ADARB2: variants seen among roughly 807,000 people sequenced by gnomAD.
ADARB2 encodes the protein adenosine deaminase RNA specific B2 (inactive), also known as inactive double-stranded RNA-specific editase B2.
A neutral mutation model predicts 62.2 loss-of-function variants in ADARB2; 25 were observed. The observed-to-expected ratio is 0.40, with a 90% CI of 0.29 to 0.56. The LOEUF (loss-of-function observed/expected upper bound fraction) is 0.56, where lower values mean the gene tolerates loss of function less well. Ranked by LOEUF, ADARB2 falls within the 20% of genes least tolerant of loss-of-function variation. The pLI, the probability that ADARB2 is intolerant of heterozygous loss-of-function variation, is 0.43. For missense variants in ADARB2, 1,071 were observed against 1,077.4 expected, an observed-to-expected ratio of 0.99 and a Z score of 0.08; for synonymous variants, 572 against 500.8, an observed-to-expected ratio of 1.14 and a Z score of -1.90.
At chr10:1,293,163 G>GA (rs1454230341) in intron 3 of ADARB2, among the ~76,000 whole-genome samples, 8 of 57,766 alleles carry the variant, frequency 1.4e-4, no homozygotes, top group Admixed American at 6.6e-4. Context: ...GGGAGGGTAA[G>GA]AAGGGGGGAG....
At chr10:1,261,792 G>T (rs1831139745) in intron 4 of ADARB2, among the ~76,000 whole-genome samples, 2 of 150,212 alleles carry the variant, frequency 1.3e-5, no homozygotes, top group Admixed American at 6.6e-5. Flanking sequence ...CCATTACTGG[G>T]TATATACCCA....
At chr10:1,296,556 G>A (rs906708070) in intron 3 of ADARB2, among the ~76,000 whole-genome samples, 10 of 152,178 alleles carry the variant, frequency 6.6e-5, no homozygotes, top group African/African-American at 2.4e-4. Context: ...CTGTGGTGCT[G>A]TGGAGTACAG....
intron 1 of ADARB2, among the ~76,000 whole-genome samples, chr10:1,455,645 A>G (rs1383657976): frequency 3.9e-5 from 6 of 152,180 alleles, no homozygotes; most frequent in African/African-American, 1.2e-4. Context: ...TGGGATTGTT[A>G]CTTTTTTAAA....
chr10:1,694,747 C>T (rs981526538), intron 1 of ADARB2, among the ~76,000 whole-genome samples: 1 of 152,088 alleles, frequency 6.6e-6, no homozygotes, highest in Non-Finnish European at 1.5e-5. Flanking sequence ...TTTTTTCAGT[C>T]CGGGTTTTGG....
chr10:1,441,231 A>G (rs1232648745), intron 1 of ADARB2, among the ~76,000 whole-genome samples: 2 of 152,360 alleles, frequency 1.3e-5, no homozygotes, highest in East Asian at 3.9e-4. Flanking sequence ...AAAAATAGAA[A>G]AAATATGTCT....
At chr10:1,302,666 T>C (rs888054336) in intron 3 of ADARB2, among the ~76,000 whole-genome samples, 2 of 152,222 alleles carry the variant, frequency 1.3e-5, no homozygotes, top group African/African-American at 4.8e-5. Context: ...TCTCCCAGTA[T>C]GCAGCTGGAG....
At chr10:1,346,199 C>T (rs985210932) in intron 3 of ADARB2, among the ~76,000 whole-genome samples, 4 of 152,144 alleles carry the variant, frequency 2.6e-5, no homozygotes, top group Non-Finnish European at 4.4e-5. Context: ...ATCGTGGTGC[C>T]GTTGTTACAA....
At chr10:1,284,412 G>A (rs954715501) in intron 3 of ADARB2, among the ~76,000 whole-genome samples, 6 of 152,164 alleles carry the variant, frequency 3.9e-5, no homozygotes, top group African/African-American at 1.4e-4. Flanking sequence ...TTATGAGGAT[G>A]CTCTCAGGGC....
chr10:1,576,436 G>A (rs1288063941), intron 1 of ADARB2, among the ~76,000 whole-genome samples: 1 of 152,170 alleles, frequency 6.6e-6, no homozygotes, highest in African/African-American at 2.4e-5. Flanking sequence ...AGGGGCCATT[G>A]CAGGAGGGCT....
At chr10:1,645,778 C>T (rs1834033061) in intron 1 of ADARB2, among the ~76,000 whole-genome samples, 1 of 152,166 alleles carries the variant, frequency 6.6e-6, no homozygotes, top group African/African-American at 2.4e-5. Flanking sequence ...TGCCTCTCCT[C>T]CTGGAGTTCA....
chr10:1,510,096 T>TCTTCTTTCTTTCTCTCTTTC, intron 1 of ADARB2, among the ~76,000 whole-genome samples: 2 of 124,828 alleles, frequency 1.6e-5, no homozygotes, highest in East Asian at 4.7e-4. Flanking sequence ...TCTCTCTCTC[T>TCTTCTTTCTTTCTCTCTTTC]TTTCTTTCTT....
chr10:1,634,155 C>G (rs963804460), intron 1 of ADARB2, among the ~76,000 whole-genome samples: 2 of 152,198 alleles, frequency 1.3e-5, no homozygotes, highest in African/African-American at 4.8e-5. Flanking sequence ...ACCGGGAGGA[C>G]CCTGGGGCCA....
At chr10:1,222,874 G>A (rs1830707265) in intron 6 of ADARB2, among the ~76,000 whole-genome samples, 1 of 151,066 alleles carries the variant, frequency 6.6e-6, no homozygotes, top group South Asian at 2.1e-4. Context: ...TGTTCTTTTG[G>A]CTTAGGATTG....
chr10:1,223,992 G>T (rs1589156811), intron 6 of ADARB2, among the ~76,000 whole-genome samples: 1 of 152,176 alleles, frequency 6.6e-6, no homozygotes, highest in African/African-American at 2.4e-5. Context: ...AGTTTCAGAA[G>T]GAATGGTACC....
intron 1 of ADARB2, among the ~76,000 whole-genome samples, chr10:1,409,884 G>A (rs28552714): frequency 0.18 from 17,621 of 95,542 alleles, 3,490 homozygotes; most frequent in East Asian, 0.44. Context: ...CCTGGCTGTG[G>A]TCATAGGGAA....
At chr10:1,320,774 T>TCTG (rs1413553878) in intron 3 of ADARB2, among the ~76,000 whole-genome samples, 13 of 152,306 alleles carry the variant, frequency 8.5e-5, no homozygotes, top group Non-Finnish European at 1.8e-4. Context: ...GATAAAATAA[T>TCTG]TCCTTAAGAA....
At chr10:1,579,662 A>G (rs1440564777) in intron 1 of ADARB2, among the ~76,000 whole-genome samples, 1 of 152,190 alleles carries the variant, frequency 6.6e-6, no homozygotes, top group African/African-American at 2.4e-5. Flanking sequence ...AAGACTCCAA[A>G]TCTGAGCTAG....
intron 3 of ADARB2, among the ~76,000 whole-genome samples, chr10:1,345,433 T>C (rs1295601387): frequency 6.6e-6 from 1 of 152,178 alleles, no homozygotes; most frequent in African/African-American, 2.4e-5. Flanking sequence ...CCAGAAGGCT[T>C]TCCTTTGGTT....
intron 4 of ADARB2, among the ~76,000 whole-genome samples, chr10:1,251,811 G>C (rs529880978): frequency 6.6e-5 from 10 of 152,238 alleles, no homozygotes; most frequent in Admixed American, 5.9e-4. Flanking sequence ...ACAGAGTCCA[G>C]CCCTCTTATG....
Sources: allele counts gnomAD v4.1 joint callset (sites outside exome capture counted in the v4.1 genomes callset), GRCh38; gene constraint gnomAD v4.1.1; transcripts MANE v1.5; gene names NCBI Gene and HGNC (gene_info 2026-07-23, HGNC 2026-07-21).